Variants in SLC7A11 observed in about 807,000 individuals in gnomAD.
The protein encoded by SLC7A11 is cystine/glutamate transporter.
SLC7A11 carries 35 observed loss-of-function variants against 54.5 expected under a neutral mutation model. That is an observed-to-expected ratio of 0.64 (90% CI 0.49 to 0.85). The LOEUF is 0.85. SLC7A11 is among the 40% of genes least tolerant of loss of function. The probability of loss-of-function intolerance (pLI) is 0.00; values close to 1 mark genes in which losing one functional copy is unlikely to be tolerated. For synonymous variants in SLC7A11, 230 were observed against 225.2 expected, an observed-to-expected ratio of 1.02 and a Z score of -0.19; for missense variants, 583 against 618.1, an observed-to-expected ratio of 0.94 and a Z score of 0.60.
chr4:138,172,469 G>T (rs567828830), intron 11 of SLC7A11, among the ~76,000 whole-genome samples: 1 of 152,254 alleles, frequency 6.6e-6, no homozygotes, highest in East Asian at 1.9e-4. Flanking sequence ...TGAGAATGTT[G>T]TCTTATCTCC....
chr4:138,235,491 A>G (rs1738185202), intron 2 of SLC7A11, among the ~76,000 whole-genome samples: 1 of 152,176 alleles, frequency 6.6e-6, no homozygotes, highest in Non-Finnish European at 1.5e-5. Flanking sequence ...ACTTAGCCAT[A>G]AAAGCTCACA....
intron 3 of SLC7A11, among the ~76,000 whole-genome samples, chr4:138,228,652 T>C (rs1737999772): frequency 6.7e-6 from 1 of 149,060 alleles, no homozygotes; most frequent in Non-Finnish European, 1.5e-5. Flanking sequence ...CCAGCTACTC[T>C]GGAGGCTGAG....
chr4:138,183,168 A>G, intron 8 of SLC7A11, 34 bp downstream of exon 8: 4 of 1,441,650 alleles, frequency 2.8e-6, no homozygotes, highest in Non-Finnish European at 3.9e-6. Context: ...TCAAAAACAG[A>G]AATGTGTTTC....
chr4:138,212,665 C>A (rs1385254993), intron 6 of SLC7A11, among the ~76,000 whole-genome samples: 1 of 151,756 alleles, frequency 6.6e-6, no homozygotes, highest in Non-Finnish European at 1.5e-5. Flanking sequence ...TAGAATACAT[C>A]AGAAATTTGG....
In SLC7A11 at chr4:138,185,218, G is replaced by T; in HGVS notation, c.818C>A (p.Ser273Tyr). The T allele has an allele frequency of 1.9e-6, 3 of 1,612,700 alleles. No individual in the cohort carries two copies. The highest frequency in any genetic ancestry group is 2.5e-6 in the Non-Finnish European group (3 of 1,178,978). Residue 273 changes from serine to tyrosine, a missense_variant, in exon 7 of 12, where the codon TCC becomes TAC. Coordinates refer to ENST00000280612, the MANE Select transcript of SLC7A11 (RefSeq NM_014331.4). Reference sequence around the variant, plus strand: ...ATAGCCAATGGTGACAATGGCCATGGATATACATATTGCAAGGGGAATGGT... The same window carrying T: ...ATAGCCAATGGTGACAATGGCCATGTATATACATATTGCAAGGGGAATGGT... ...EKTIPLAICI[S>Y]MAIVTIGYVL...
intron 1 of SLC7A11, among the ~76,000 whole-genome samples, chr4:138,238,413 G>A (rs1738293201): frequency 6.6e-6 from 1 of 152,086 alleles, no homozygotes; most frequent in South Asian, 2.1e-4. Context: ...TCAAATGTAA[G>A]AACACAATTT....
intron 2 of SLC7A11, among the ~76,000 whole-genome samples, chr4:138,235,543 A>G (rs1037851255): frequency 1.3e-5 from 2 of 152,202 alleles, no homozygotes; most frequent in African/African-American, 4.8e-5. Context: ...TGATAAGAGC[A>G]AGTTTCCCTA....
chr4:138,198,393 A>G (rs575135457), intron 6 of SLC7A11, among the ~76,000 whole-genome samples: 1 of 152,312 alleles, frequency 6.6e-6, no homozygotes, highest in Non-Finnish European at 1.5e-5. Flanking sequence ...AAGAATTCTG[A>G]TGAATCACCA....
intron 6 of SLC7A11, among the ~76,000 whole-genome samples, chr4:138,206,629 AATATT>A (rs1468541695): frequency 6.6e-6 from 1 of 151,816 alleles, no homozygotes; most frequent in East Asian, 1.9e-4. Context: ...CCCATGATAA[AATATT>A]ATAATATAAT....
intron 6 of SLC7A11, among the ~76,000 whole-genome samples, chr4:138,186,852 G>T (rs1036506320): frequency 6.6e-6 from 1 of 152,110 alleles, no homozygotes; most frequent in African/African-American, 2.4e-5. Flanking sequence ...GTATTATTTT[G>T]ACCTTGAATC....
intron 6 of SLC7A11, among the ~76,000 whole-genome samples, chr4:138,201,293 T>C (rs1737280428): frequency 6.6e-6 from 1 of 152,142 alleles, no homozygotes; most frequent in Non-Finnish European, 1.5e-5. Flanking sequence ...ATTTGATCAC[T>C]GCATTCTCAA....
At chr4:138,211,984 A>G (rs186162180) in intron 6 of SLC7A11, among the ~76,000 whole-genome samples, 4 of 152,090 alleles carry the variant, frequency 2.6e-5, no homozygotes, top group Admixed American at 2.6e-4. Flanking sequence ...AACCGTAGTT[A>G]TCAAAAACAT....
chr4:138,171,931 T>C lies in SLC7A11; in HGVS notation c.*25A>G, dbSNP rs766984951. ...TATTTTGTGTCTCCCCTTGGGCAGATTGCCAAGATCTCAAGTCCATTAGTT... is the reference window on the plus strand; with the variant it reads ...TATTTTGTGTCTCCCCTTGGGCAGACTGCCAAGATCTCAAGTCCATTAGTT... On this transcript the variant is annotated 3_prime_UTR_variant, in exon 12 of 12. Transcript: ENST00000280612. 7 of 1,573,734 alleles carry C rather than the reference T, an allele frequency of 4.4e-6. No homozygotes were observed. The African/African-American group carries it at 5.5e-5, about 12-fold the overall frequency.
intron 5 of SLC7A11, among the ~76,000 whole-genome samples, chr4:138,217,025 C>A (rs150371115): frequency 5.4e-4 from 82 of 152,264 alleles, no homozygotes; most frequent in Middle Eastern, 3.4e-3. Flanking sequence ...CAGATAATAA[C>A]TTTTCCTCTA....
intron 6 of SLC7A11, among the ~76,000 whole-genome samples, chr4:138,192,931 G>C (rs1737045707): frequency 6.6e-6 from 1 of 152,110 alleles, no homozygotes; most frequent in Admixed American, 6.5e-5. Context: ...GCAACGTTAA[G>C]TAAATATACT....
At chr4:138,188,530 TC>T (rs1246856395) in intron 6 of SLC7A11, among the ~76,000 whole-genome samples, 1 of 152,176 alleles carries the variant, frequency 6.6e-6, no homozygotes, top group Non-Finnish European at 1.5e-5. Flanking sequence ...AGCAGTTGAC[TC>T]CTTCAGAAGA....
At chr4:138,204,474 T>C (rs1363995204) in intron 6 of SLC7A11, among the ~76,000 whole-genome samples, 2 of 152,076 alleles carry the variant, frequency 1.3e-5, no homozygotes, top group Admixed American at 6.6e-5. Flanking sequence ...CTTGTATTTG[T>C]ATTCTTCTGT....
At chr4:138,183,599 C>T (rs1031628477) in intron 7 of SLC7A11, among the ~76,000 whole-genome samples, 2 of 152,080 alleles carry the variant, frequency 1.3e-5, no homozygotes, top group African/African-American at 2.4e-5. Flanking sequence ...TGTGTATTGT[C>T]TCTGACTCTG....
intron 5 of SLC7A11, among the ~76,000 whole-genome samples, chr4:138,215,683 C>CA (rs1737663213): frequency 6.6e-6 from 1 of 151,806 alleles, no homozygotes; most frequent in African/African-American, 2.4e-5. Flanking sequence ...CTTATATCTG[C>CA]AATATGCACT....
Sources: allele counts gnomAD v4.1 joint callset (sites outside exome capture counted in the v4.1 genomes callset), GRCh38; gene constraint gnomAD v4.1.1; transcripts MANE v1.5; gene names NCBI Gene and HGNC (gene_info 2026-07-23, HGNC 2026-07-21).